The following ALDH18A1 variants were observed in gnomAD, a reference collection of about 807,000 sequenced individuals.
The protein encoded by ALDH18A1 is delta-1-pyrroline-5-carboxylate synthase.
In ALDH18A1, 44 loss-of-function variants were observed where a neutral mutation model predicts 88.8. The ratio of observed to expected loss-of-function variants is 0.50; its 90% CI spans 0.39 to 0.64. The LOEUF is 0.64. ALDH18A1 is among the 30% of genes least tolerant of loss of function. ALDH18A1 has a pLI of 0.00. For synonymous variants in ALDH18A1, 331 were observed against 372.1 expected (o/e 0.89, Z 1.27); for missense variants, 782 against 1,009.5 (o/e 0.77, Z 3.05).
rs537411575 is a variant in ALDH18A1, at chr10:95,621,115, G to T, written c.1383C>A (p.Ala461=). ...TCACTTGTTCCAGTTCCAAGTTTTT[G>T]GCGATTCGGGTGCGGCGCAAAACAC... ...VGRVLRRTRI[A]KNLELEQVTV... Residue 461 remains alanine (A), a synonymous_variant, in exon 12 of 18, where the codon GCC becomes GCA. Transcript: ENST00000371224. 2 of 1,614,018 alleles carry T rather than the reference G, an allele frequency of 1.2e-6. No homozygotes were observed. The highest frequency in any genetic ancestry group is 1.7e-6 in the Non-Finnish European group (2 of 1,180,002).
chr10:95,617,008 A>T (rs1421423279), intron 12 of ALDH18A1, among the ~76,000 whole-genome samples: 2 of 152,196 alleles, frequency 1.3e-5, no homozygotes, highest in Non-Finnish European at 2.9e-5. Flanking sequence ...GCAATTTGGG[A>T]GGCTGAGGTG....
intron 7 of ALDH18A1, among the ~76,000 whole-genome samples, chr10:95,630,232 C>T (rs578055012): frequency 4.1e-4 from 62 of 152,298 alleles, no homozygotes; most frequent in African/African-American, 1.4e-3. Context: ...TGCCTCAGCC[C>T]TCCCAAGTAG....
At position 95,613,971 on chromosome 10, in the gene ALDH18A1, CT is replaced by C; in HGVS notation, c.1795del (p.Arg599GlyfsTer2). ...DSEASVDKVT[R>X]LVRDSKCEYP... ...GAAGACCCCATCCAGCTCACCTAGC[CT>C]GGTGACCTTATCAACACTGGCCTCG... On this transcript the variant is annotated frameshift_variant, in exon 14 of 18. Transcript: ENST00000371224. LOFTEE classifies it high-confidence loss of function. The C allele has an allele frequency of 6.2e-7, 1 of 1,614,216 alleles. No homozygotes were observed. The highest frequency in any genetic ancestry group is 8.5e-7 in the Non-Finnish European group (1 of 1,180,034).
In ALDH18A1 at chr10:95,627,737, A is replaced by G. The variant is rs144246142; in HGVS notation, c.934-151T>C. ...AAAAGCTTAGAAGCTCTGAAAACACATAACAGTTCACACACTTTCCAGCTC... is the reference window on the plus strand; with the variant it reads ...AAAAGCTTAGAAGCTCTGAAAACACGTAACAGTTCACACACTTTCCAGCTC... On this transcript the variant is annotated intron_variant, in intron 8 of 17. Transcript: ENST00000371224. 6.0e-4 allele frequency: 603 copies of G among 1,012,168 alleles called. 3 individuals carry two copies. In the African/African-American group the frequency reaches 8.5e-3, roughly 14 times the overall value. The allele number at this position is 1,012,168 out of a possible 1,614,324, so 62.7% of individuals were successfully genotyped here. A position where few individuals can be genotyped will look rare whatever the true frequency, so the allele number is the denominator to read the frequency against.
At position 95,613,989 on chromosome 10, in the gene ALDH18A1, C is replaced by T; in HGVS notation, c.1778G>A (p.Ser593Asn). The T allele has an allele frequency of 1.2e-6, 2 of 1,614,224 alleles. No homozygotes were observed. The highest frequency in any genetic ancestry group is 1.3e-5 in the African/African-American group (1 of 75,058). ...ACCTAGCCTGGTGACCTTATCAACA[C>T]TGGCCTCGGAATCCACATACATGTG... is the stretch of plus-strand genomic sequence containing the variant. ...ICHMYVDSEASVDKVTRLVRD... is the reference protein window; with the variant it reads ...ICHMYVDSEANVDKVTRLVRD... Residue 593 changes from serine (S) to asparagine (N), a missense_variant, in exon 14 of 18, where the codon AGT (serine) becomes AAT (asparagine). By Grantham distance (46) the Ser-to-Asn change is conservative (BLOSUM62 1). This residue lies in a region of ALDH18A1 where 556 missense variants were observed against 654.5 expected (regional missense o/e 0.85). Coordinates refer to ENST00000371224, the MANE Select transcript of ALDH18A1 (RefSeq NM_002860.4).
chr10:95,610,970 T>G (rs2097833017), intron 16 of ALDH18A1, among the ~76,000 whole-genome samples: 1 of 152,200 alleles, frequency 6.6e-6, no homozygotes, highest in Admixed American at 6.5e-5. Context: ...ATGGGTTTAT[T>G]TTAACTACCT....
chr10:95,633,910 G>A (rs1326706120), intron 5 of ALDH18A1, among the ~76,000 whole-genome samples: 10 of 145,170 alleles, frequency 6.9e-5, no homozygotes, highest in Non-Finnish European at 1.5e-5. Context: ...TCCACCTCCT[G>A]GGTTCAAGCA....
chr10:95,623,034 A>T (rs2139576066), intron 11 of ALDH18A1, among the ~76,000 whole-genome samples: 1 of 152,236 alleles, frequency 6.6e-6, no homozygotes, highest in Non-Finnish European at 1.5e-5. Context: ...ATAGCCACCA[A>T]GATAAAATAA....
intron 12 of ALDH18A1, among the ~76,000 whole-genome samples, chr10:95,618,854 C>T (rs969462236): frequency 3.3e-5 from 5 of 152,130 alleles, no homozygotes; most frequent in African/African-American, 1.2e-4. Flanking sequence ...ATTTGGGTTC[C>T]AGTCCCAGTT....
intron 12 of ALDH18A1, among the ~76,000 whole-genome samples, chr10:95,617,191 C>T (rs1159446573): frequency 2.0e-5 from 3 of 152,186 alleles, no homozygotes; most frequent in Non-Finnish European, 4.4e-5. Flanking sequence ...AGGCTGCAGT[C>T]AGCCGAGATT....
intron 5 of ALDH18A1, 95 bp downstream of exon 5, chr10:95,636,998 T>C: frequency 8.7e-7 from 1 of 1,144,348 alleles, no homozygotes; most frequent in African/African-American, 1.5e-5. Flanking sequence ...GTGATGAAGC[T>C]GACACCATAT....
Position 95,606,780 on chromosome 10 carries a change from A to C in ALDH18A1, c.2370T>G (p.Pro790=), listed in dbSNP as rs772994890. 1.2e-6 allele frequency: 2 copies of C among 1,614,116 alleles called. No individual in the cohort carries two copies. The highest frequency in any genetic ancestry group is 1.7e-6 in the Non-Finnish European group (2 of 1,180,002). The change falls in exon 18 of 18, where the codon CCT becomes CCG. Residue 790 remains proline, a synonymous_variant. Coordinates refer to ENST00000371224, the MANE Select transcript of ALDH18A1 (RefSeq NM_002860.4). The part of the protein sequence containing the change: ...LKYLHENLPI[P]QRNTN Reference sequence around the variant, plus strand: ...GCTCTTTTCAGTTGGTGTTTCTCTGAGGAATAGGGAGGTTCTCATGAAGAT... The same window carrying C: ...GCTCTTTTCAGTTGGTGTTTCTCTGCGGAATAGGGAGGTTCTCATGAAGAT...
chr10:95,613,660 C>T (rs1370946798), intron 15 of ALDH18A1, 82 bp downstream of exon 15: 1 of 1,525,522 alleles, frequency 6.6e-7, no homozygotes, highest in Non-Finnish European at 9.1e-7. Flanking sequence ...CTTAAACTGC[C>T]TTATATGGTA....
chr10:95,606,470 G>A lies in ALDH18A1; in HGVS notation c.*292C>T, dbSNP rs78053774. The A allele has an allele frequency of 6.7e-4, 840 of 1,251,208 alleles. 4 individuals carry two copies. The African/African-American group carries it at 0.011, about 16-fold the overall frequency. 77.5% of individuals were successfully genotyped at this position (1,251,208 alleles called of 1,614,324 possible). A position where few individuals can be genotyped will look rare whatever the true frequency, so the allele number is the denominator to read the frequency against. ...CACAAAGCAGCCATGGGTTTTCCTC[G>A]CCTTTTTTATGGGGAAAATGCACCT... On this transcript the variant is annotated 3_prime_UTR_variant, in exon 18 of 18. Coordinates refer to ENST00000371224, the MANE Select transcript of ALDH18A1 (RefSeq NM_002860.4).
intron 11 of ALDH18A1, among the ~76,000 whole-genome samples, chr10:95,624,061 C>G (rs2097857093): frequency 1.3e-5 from 2 of 152,000 alleles, no homozygotes; most frequent in Admixed American, 1.3e-4. Flanking sequence ...TGGTCTTGAA[C>G]TCAGACCTCA....
intron 12 of ALDH18A1, among the ~76,000 whole-genome samples, chr10:95,617,401 C>T (rs911350585): frequency 2.6e-5 from 4 of 152,250 alleles, no homozygotes; most frequent in African/African-American, 9.6e-5. Flanking sequence ...CCACATCCTA[C>T]TCTGGCCTTG....
At chr10:95,647,195 TAAGTATCAATAAAAATACTG>T (rs1222307224) in intron 2 of ALDH18A1, among the ~76,000 whole-genome samples, 1 of 152,160 alleles carries the variant, frequency 6.6e-6, no homozygotes, top group African/African-American at 2.4e-5. Flanking sequence ...CTAATGAGGA[TAAGTATCAATAAAAATACTG>T]AAGTGAACAC....
At chr10:95,638,494 CAGA>C (rs1379529481) in intron 3 of ALDH18A1, among the ~76,000 whole-genome samples, 1 of 152,182 alleles carries the variant, frequency 6.6e-6, no homozygotes, top group African/African-American at 2.4e-5. Context: ...GTGTGTAATG[CAGA>C]AGGCCTAGTT....
Position 95,627,443 on chromosome 10 carries a change from T to C in ALDH18A1, c.1077A>G (p.Ala359=). 1 of 1,614,146 alleles carries C rather than the reference T, an allele frequency of 6.2e-7. No individual in the cohort carries two copies. The highest frequency in any genetic ancestry group is 2.2e-5 in the East Asian group (1 of 44,890). ...GGGACCTTATGAAGAACTATTTACC[T>C]GCAGGCTTTACTTCTGAAAAGAAGG... The part of the protein sequence containing the change: ...VGTFFSEVKP[A]GPTVEQQGEM... Residue 359 remains alanine, a splice_region_variant and synonymous_variant, in exon 9 of 18, where the codon GCA becomes GCG. Transcript: ENST00000371224.
Sources: gnomAD v4.1 joint callset for allele counts (sites outside exome capture counted in the v4.1 genomes callset) on GRCh38, gnomAD v4.1.1 for gene constraint, gnomAD v4.1.1 regional missense constraint, MANE v1.5 for transcripts, NCBI Gene and HGNC (gene_info 2026-07-23, HGNC 2026-07-21) for gene names.